MAST4: variants seen among roughly 807,000 people sequenced by gnomAD.
MAST4 encodes microtubule-associated serine/threonine-protein kinase 4.
MAST4 carries 89 observed loss-of-function variants against 162.7 expected under a neutral mutation model. That is an observed-to-expected ratio of 0.55 (90% CI 0.46 to 0.65). MAST4 has a LOEUF of 0.65. MAST4 is among the 30% of genes least tolerant of loss of function. The pLI is 0.00. For synonymous variants in MAST4, 1,479 were observed against 1,361.1 expected (o/e 1.09, Z -1.91); for missense variants, 3,153 against 3,374.0 (o/e 0.93, Z 1.62).
rs1379431812 is a variant in MAST4, at chr5:67,168,349, T to C, written c.*1298T>C. ...TTGTATGCAAAAAATACTGTCTTAA[T>C]ACAGAGCAGCATTTTTGTAACAAAG... On this transcript the variant is annotated 3_prime_UTR_variant, in exon 29 of 29. Transcript: ENST00000403625. 6.6e-6 allele frequency: 1 copy of C among 152,182 alleles called. No homozygotes were observed. The highest frequency in any genetic ancestry group is 1.5e-5 in the Non-Finnish European group (1 of 68,032). 9.4% of individuals were successfully genotyped at this position (152,182 alleles called of 1,614,324 possible).
chr5:67,105,501 T>C (rs758214662), intron 10 of MAST4, among the ~76,000 whole-genome samples: 9 of 152,326 alleles, frequency 5.9e-5, no homozygotes, highest in Non-Finnish European at 1.2e-4. Flanking sequence ...TTCTATACTC[T>C]TTCCCGATTT....
chr5:66,954,869 C>T (rs192203220), intron 4 of MAST4, among the ~76,000 whole-genome samples: 4 of 149,576 alleles, frequency 2.7e-5, no homozygotes, highest in Admixed American at 2.6e-4. Flanking sequence ...CTACTGCACT[C>T]CAGCCTGGGC....
chr5:66,874,796 A>T (rs993139175), intron 3 of MAST4, among the ~76,000 whole-genome samples: 13 of 152,368 alleles, frequency 8.5e-5, no homozygotes, highest in African/African-American at 2.9e-4. Context: ...AAATCAGCCC[A>T]GAGCTATCTC....
chr5:67,014,320 A>G lies in MAST4; in HGVS notation c.675-40084A>G, dbSNP rs139532582. Among the ~76,000 whole-genome samples the G allele has an allele frequency of 4.6e-5, 7 of 152,362 alleles. No homozygotes were observed. In the East Asian group the frequency reaches 1.3e-3, roughly 29 times the overall value. ...TGGATGATTTTAAGTTCGCATTTCC[A>G]TAGTAGGTCCCTAAGCAGAAGGATT... On this transcript the variant is annotated intron_variant, in intron 4 of 28. Transcript: ENST00000403625.
rs1315136526 is a variant in MAST4, at chr5:67,166,049, T to C, written c.6870T>C (p.Ser2290=). 7.4e-6 allele frequency: 12 copies of C among 1,613,710 alleles called. No individual in the cohort carries two copies. Among genetic ancestry groups the C allele is most frequent in the Middle Eastern group, 1.6e-4 (1 of 6,062 alleles). Residue 2290 remains serine, a synonymous_variant, in exon 29 of 29, where the codon AGT becomes AGC. Transcript: ENST00000403625. The part of the protein sequence containing the change: ...APLDAKPQPT[S]GGRPLEVLEK... Reference sequence around the variant, plus strand: ...TAGACGCCAAGCCACAACCCACCAGTGGTGGGCGGCCCCTGGAGGTGCTGG... The same window carrying C: ...TAGACGCCAAGCCACAACCCACCAGCGGTGGGCGGCCCCTGGAGGTGCTGG...
chr5:66,993,747 G>C (rs1028576903), intron 4 of MAST4, among the ~76,000 whole-genome samples: 4 of 152,182 alleles, frequency 2.6e-5, no homozygotes, highest in African/African-American at 9.7e-5. Flanking sequence ...CACTTGTTAA[G>C]GGATGAGGCA....
At chr5:66,780,710 A>T (rs1754828618) in intron 2 of MAST4, among the ~76,000 whole-genome samples, 1 of 151,876 alleles carries the variant, frequency 6.6e-6, no homozygotes, top group East Asian at 1.9e-4. Flanking sequence ...CATTTTACAG[A>T]GTGCTGATTT....
chr5:66,870,945 T>C (rs1032778242), intron 3 of MAST4: 9 of 444,488 alleles, frequency 2.0e-5, no homozygotes, highest in Non-Finnish European at 3.7e-5. Flanking sequence ...TATGCTGGTA[T>C]ATTCCAGGGC....
chr5:66,855,529 G>A (rs2149823041), intron 3 of MAST4, among the ~76,000 whole-genome samples: 1 of 152,336 alleles, frequency 6.6e-6, no homozygotes, highest in South Asian at 2.1e-4. Context: ...CAGAGCTGGA[G>A]ATGAGAATTT....
chr5:66,856,810 G>C (rs747456090), intron 3 of MAST4, among the ~76,000 whole-genome samples: 2 of 152,152 alleles, frequency 1.3e-5, no homozygotes, highest in African/African-American at 2.4e-5. Flanking sequence ...TATTGACCTG[G>C]ACAAGAATTA....
chr5:66,888,749 C>T (rs1159540337), intron 3 of MAST4, among the ~76,000 whole-genome samples: 1 of 152,190 alleles, frequency 6.6e-6, no homozygotes, highest in Non-Finnish European at 1.5e-5. Context: ...ATGTGAGAGA[C>T]ACAATTCTTA....
intron 3 of MAST4, among the ~76,000 whole-genome samples, chr5:66,892,368 A>AGGC (rs1252249596): frequency 6.6e-6 from 1 of 152,112 alleles, no homozygotes; most frequent in African/African-American, 2.4e-5. Flanking sequence ...GCCTTTTCAC[A>AGGC]CTGTATTTTA....
intron 3 of MAST4, among the ~76,000 whole-genome samples, chr5:66,868,717 A>G (rs1335376877): frequency 6.6e-6 from 1 of 152,088 alleles, no homozygotes; most frequent in African/African-American, 2.4e-5. Flanking sequence ...TGATTATTTC[A>G]TAGCCCTATT....
chr5:66,778,693 C>G (rs1214434787), intron 2 of MAST4, among the ~76,000 whole-genome samples: 3 of 152,122 alleles, frequency 2.0e-5, no homozygotes, highest in Admixed American at 2.0e-4. Context: ...GGGTGGCTAT[C>G]TATGATTGAG....
At chr5:66,826,644 T>C (rs1160080059) in intron 3 of MAST4, among the ~76,000 whole-genome samples, 1 of 151,844 alleles carries the variant, frequency 6.6e-6, no homozygotes, top group Non-Finnish European at 1.5e-5. Flanking sequence ...TAGTGGGAAT[T>C]TGTTGCCCTC....
intron 4 of MAST4, among the ~76,000 whole-genome samples, chr5:67,047,222 A>G (rs1311543220): frequency 6.6e-6 from 1 of 152,250 alleles, no homozygotes; most frequent in Non-Finnish European, 1.5e-5. Flanking sequence ...AACAAAAGTC[A>G]GGTTATGTTC....
rs548816226 is a variant in MAST4, at chr5:67,119,546, C to T, written c.1659+797C>T. 2.2e-4 allele frequency among the ~76,000 whole-genome samples: 34 copies of T among 152,274 alleles called. 1 individual carries two copies. In the East Asian group the frequency reaches 6.6e-3, roughly 29 times the overall value. On this transcript the variant is annotated intron_variant, in intron 13 of 28. Transcript: ENST00000403625. The stretch of plus-strand genomic sequence containing the variant: ...ACCAGCTGGGGGGTGGGGGAAATTT[C>T]TCTGTGCCTCGGTTTCCCTGTTTGT...
chr5:67,008,773 G>A (rs186139078), intron 4 of MAST4, among the ~76,000 whole-genome samples: 107 of 152,178 alleles, frequency 7.0e-4, no homozygotes, highest in Non-Finnish European at 9.6e-4. Flanking sequence ...GTTGTTTTTT[G>A]CAGAATTCAC....
rs533026047 is a variant in MAST4, at chr5:66,974,543, C to T, written c.674+74561C>T. 2.6e-5 allele frequency among the ~76,000 whole-genome samples: 4 copies of T among 152,306 alleles called. No homozygotes were observed. The East Asian group carries it at 5.8e-4, about 22-fold the overall frequency. ...GTATTCAGAAGTATTACTAACAACG[C>T]GTTACAAATGACACTCACTGCAAGG... On this transcript the variant is annotated intron_variant, in intron 4 of 28. Transcript: ENST00000403625.
Sources: allele counts gnomAD v4.1 joint callset (sites outside exome capture counted in the v4.1 genomes callset), GRCh38; gene constraint gnomAD v4.1.1; transcripts MANE v1.5; gene names NCBI Gene and HGNC (gene_info 2026-07-23, HGNC 2026-07-21).